Variants in PDGFC observed in about 807,000 individuals in gnomAD.
The protein encoded by PDGFC is platelet-derived growth factor C.
In PDGFC, 12 loss-of-function variants were observed where a neutral mutation model predicts 35.5. The observed-to-expected ratio is 0.34, with a 90% CI of 0.22 to 0.55. The LOEUF (loss-of-function observed/expected upper bound fraction) is 0.55, where lower values mean the gene tolerates loss of function less well. PDGFC is among the 20% of genes least tolerant of loss of function. The pLI, the probability that PDGFC is intolerant of heterozygous loss-of-function variation, is 0.91. For missense variants in PDGFC, 322 were observed against 412.4 expected (o/e 0.78, Z 1.90); for synonymous variants, 159 against 148.8 (o/e 1.07, Z -0.50).
At chr4:156,915,181 A>C (rs185405771) in intron 1 of PDGFC, among the ~76,000 whole-genome samples, 1 of 152,328 alleles carries the variant, frequency 6.6e-6, no homozygotes, top group Admixed American at 6.5e-5. Flanking sequence ...AAAACTTTAT[A>C]AATCTAAACC....
intron 1 of PDGFC, among the ~76,000 whole-genome samples, chr4:156,879,788 G>A (rs1174102639): frequency 2.0e-5 from 3 of 152,126 alleles, no homozygotes; most frequent in African/African-American, 4.8e-5. Context: ...AAGTAAAATT[G>A]TCAATTACTT....
chr4:156,798,116 C>T (rs956651485), intron 3 of PDGFC, among the ~76,000 whole-genome samples: 10 of 152,070 alleles, frequency 6.6e-5, no homozygotes, highest in South Asian at 2.1e-4. Context: ...CACTTGAACA[C>T]GGGAGGCGAA....
At chr4:156,915,065 C>T (rs1731126496) in intron 1 of PDGFC, among the ~76,000 whole-genome samples, 1 of 152,076 alleles carries the variant, frequency 6.6e-6, no homozygotes, top group Non-Finnish European at 1.5e-5. Context: ...ACCACACACA[C>T]ACAAAAAAAT....
At chr4:156,920,728 T>C (rs1033608342) in intron 1 of PDGFC, among the ~76,000 whole-genome samples, 4 of 151,694 alleles carry the variant, frequency 2.6e-5, no homozygotes, top group African/African-American at 9.7e-5. Context: ...GGGTTGGGAA[T>C]AGTTATGCCT....
At chr4:156,791,855 G>C (rs1219793297) in intron 3 of PDGFC, among the ~76,000 whole-genome samples, 1 of 152,152 alleles carries the variant, frequency 6.6e-6, no homozygotes, top group African/African-American at 2.4e-5. Context: ...TCTTCACTGA[G>C]TAATACATAT....
At chr4:156,912,111 T>C (rs1290018388) in intron 1 of PDGFC, among the ~76,000 whole-genome samples, 1 of 152,116 alleles carries the variant, frequency 6.6e-6, no homozygotes, top group Non-Finnish European at 1.5e-5. Context: ...ACACGATGAT[T>C]TTTTTCTGGA....
At chr4:156,894,856 A>C (rs1245491024) in intron 1 of PDGFC, among the ~76,000 whole-genome samples, 1 of 152,194 alleles carries the variant, frequency 6.6e-6, no homozygotes, top group Non-Finnish European at 1.5e-5. Flanking sequence ...TTTTTTGTAG[A>C]TTTGGATCCA....
intron 1 of PDGFC, among the ~76,000 whole-genome samples, chr4:156,887,562 A>G (rs1730404015): frequency 6.6e-6 from 1 of 152,222 alleles, no homozygotes; most frequent in Non-Finnish European, 1.5e-5. Flanking sequence ...AAGAAAATGT[A>G]GGAGTCCAGG....
intron 2 of PDGFC, among the ~76,000 whole-genome samples, chr4:156,818,793 C>T (rs1348482064): frequency 2.6e-5 from 4 of 152,098 alleles, no homozygotes; most frequent in Non-Finnish European, 5.9e-5. Flanking sequence ...TGAGCCACCG[C>T]ACCTGGCCCA....
At chr4:156,855,869 C>T (rs1453691410) in intron 1 of PDGFC, among the ~76,000 whole-genome samples, 10 of 152,216 alleles carry the variant, frequency 6.6e-5, no homozygotes, top group African/African-American at 2.4e-4. Flanking sequence ...GTTTCACTGG[C>T]TCCATGAGCT....
chr4:156,892,416 ATTAT>A (rs1487829410), intron 1 of PDGFC, among the ~76,000 whole-genome samples: 2 of 152,184 alleles, frequency 1.3e-5, no homozygotes, highest in Non-Finnish European at 2.9e-5. Context: ...GTTAAGATTT[ATTAT>A]TTATTTTTGT....
At chr4:156,910,422 T>A (rs1731012061) in intron 1 of PDGFC, among the ~76,000 whole-genome samples, 1 of 152,130 alleles carries the variant, frequency 6.6e-6, no homozygotes, top group Non-Finnish European at 1.5e-5. Context: ...GGTACCAGTT[T>A]ATTTAACAGT....
chr4:156,910,149 C>G (rs1270060114), intron 1 of PDGFC, among the ~76,000 whole-genome samples: 1 of 151,948 alleles, frequency 6.6e-6, no homozygotes. Flanking sequence ...TTTTAGCCTC[C>G]CTGCTTGGGG....
At chr4:156,833,834 C>T (rs964284621) in intron 2 of PDGFC, among the ~76,000 whole-genome samples, 3 of 152,140 alleles carry the variant, frequency 2.0e-5, no homozygotes, top group African/African-American at 7.2e-5. Context: ...ATACCTACTC[C>T]TTGAAGGACT....
At chr4:156,795,823 A>G (rs991489463) in intron 3 of PDGFC, among the ~76,000 whole-genome samples, 1 of 152,190 alleles carries the variant, frequency 6.6e-6, no homozygotes, top group South Asian at 2.1e-4. Context: ...ACAGTCATCA[A>G]TCTTTTCTAG....
intron 3 of PDGFC, among the ~76,000 whole-genome samples, chr4:156,799,447 T>C (rs1346648930): frequency 6.6e-6 from 1 of 152,198 alleles, no homozygotes; most frequent in Non-Finnish European, 1.5e-5. Flanking sequence ...CCTCCAAACT[T>C]ACTGTAGGAG....
rs1729989535 is a variant in PDGFC at position 156,871,762 on chromosome 4, C to G, written c.119-21346G>C. On this transcript the variant is annotated intron_variant, in intron 1 of 5. Coordinates refer to ENST00000502773, the MANE Select transcript of PDGFC (RefSeq NM_016205.3). Reference sequence around the variant, plus strand: ...AACATTATTCCAGATTAAATTGAGTCTATGGATGACTTATAAGTGTTACAG... The same window carrying G: ...AACATTATTCCAGATTAAATTGAGTGTATGGATGACTTATAAGTGTTACAG... 2.0e-5 allele frequency among the ~76,000 whole-genome samples: 3 copies of G among 151,776 alleles called. No individual in the cohort carries two copies. In the South Asian group the frequency reaches 6.2e-4, roughly 32 times the overall value.
intron 1 of PDGFC, among the ~76,000 whole-genome samples, chr4:156,872,489 C>T (rs909342648): frequency 2.6e-5 from 4 of 152,172 alleles, no homozygotes; most frequent in Admixed American, 1.3e-4. Flanking sequence ...CCAAGGGCCC[C>T]GGACCCTTAG....
chr4:156,878,505 C>T (rs896016738), intron 1 of PDGFC, among the ~76,000 whole-genome samples: 1 of 152,122 alleles, frequency 6.6e-6, no homozygotes, highest in Non-Finnish European at 1.5e-5. Context: ...CAGTACAGAA[C>T]TGACAGTGAT....
Sources: allele counts gnomAD v4.1 joint callset (sites outside exome capture counted in the v4.1 genomes callset), GRCh38; gene constraint gnomAD v4.1.1; transcripts MANE v1.5; gene names NCBI Gene and HGNC (gene_info 2026-07-23, HGNC 2026-07-21).